The following CROCC variants were observed in gnomAD, a reference collection of about 807,000 sequenced individuals.
CROCC encodes ciliary rootlet coiled-coil, rootletin, also known as rootletin.
In CROCC, 180 loss-of-function variants were observed where a neutral mutation model predicts 245.2. That is an observed-to-expected ratio of 0.73 (90% CI 0.65 to 0.83). The LOEUF is 0.83. CROCC is among the 40% of genes least tolerant of loss of function. The pLI is 0.00. For missense variants in CROCC, 2,688 were observed against 2,779.4 expected, an observed-to-expected ratio of 0.97 and a Z score of 0.74; for synonymous variants, 1,205 against 1,241.6, an observed-to-expected ratio of 0.97 and a Z score of 0.62.
chr1:16,936,865 C>T lies in CROCC; in HGVS notation c.1185C>T (p.Leu395=), dbSNP rs764895587. 6.8e-5 allele frequency: 109 copies of T among 1,609,704 alleles called. No individual in the cohort carries two copies. The highest frequency in any genetic ancestry group is 1.3e-4 in the African/African-American group (10 of 74,900). ...AAAGCGACCTGGACAAGGCTGACCT[C>T]AGTGCCAGGTGGGTACCTGGTGGAT... The part of the protein sequence containing the change: ...QMQSDLDKAD[L]SARVTELGLA... Residue 395 remains leucine (L), a synonymous_variant, in exon 9 of 37, where the codon CTC becomes CTT. Coordinates refer to ENST00000375541, the MANE Select transcript of CROCC (RefSeq NM_014675.5).
intron 30 of CROCC, among the ~76,000 whole-genome samples, chr1:16,967,067 A>G (rs1237517934): frequency 6.6e-6 from 1 of 151,460 alleles, no homozygotes; most frequent in African/African-American, 2.4e-5. Flanking sequence ...AAGAAAAAAA[A>G]AAGAAGAAGA....
intron 25 of CROCC, among the ~76,000 whole-genome samples, chr1:16,957,552 C>T (rs1036205932): frequency 6.6e-6 from 1 of 152,088 alleles, no homozygotes; most frequent in African/African-American, 2.4e-5. Flanking sequence ...AAGTAATTCT[C>T]CTGACTCAGC....
At chr1:16,946,234 C>A (rs372298362) in intron 15 of CROCC, 25 bp from the exon 16 acceptor site, 2 of 1,606,174 alleles carry the variant, frequency 1.2e-6, no homozygotes. Flanking sequence ...TGCCTTTCCT[C>A]ATTTCTCGGG....
chr1:16,957,687 C>T (rs1442742142), intron 25 of CROCC, among the ~76,000 whole-genome samples: 1 of 152,146 alleles, frequency 6.6e-6, no homozygotes, highest in East Asian at 1.9e-4. Context: ...TCAGGTGATC[C>T]ACCCACCTTG....
chr1:16,960,810 G>A lies in CROCC; in HGVS notation c.4085G>A (p.Arg1362His). ...GAACAAGAAGGCGAGTTCCGGACCC[G>A]CGAGCGACGCCTGCTGGGCTCCCTG... ...LQEQEGEFRT[R>H]ERRLLGSLEE... The change falls in exon 27 of 37, where the codon CGC becomes CAC. Residue 1362 changes from arginine to histidine, a missense_variant. Arg to His is a conservative substitution (Grantham distance 29). Transcript: ENST00000375541. The A allele has an allele frequency of 6.6e-7, 1 of 1,524,820 alleles. No individual in the cohort carries two copies. Among genetic ancestry groups the A allele is most frequent in the Non-Finnish European group, 8.8e-7 (1 of 1,142,318 alleles). 94.5% of individuals were successfully genotyped at this position (1,524,820 alleles called of 1,614,324 possible).
rs2076321708 is a variant in CROCC, at chr1:16,960,956, C to T, written c.4231C>T (p.Arg1411Trp). 3 of 1,401,608 alleles carry T rather than the reference C, an allele frequency of 2.1e-6. No individual in the cohort carries two copies. Among genetic ancestry groups the T allele is most frequent in the Non-Finnish European group, 2.8e-6 (3 of 1,086,948 alleles). The allele number at this position is 1,401,608 out of a possible 1,614,324, so 86.8% of individuals were successfully genotyped here. A position where few individuals can be genotyped will look rare whatever the true frequency, so the allele number is the denominator to read the frequency against. ...LGLRLSAAEGRAQGLEAELAR... is the reference protein window; with the variant it reads ...LGLRLSAAEGWAQGLEAELAR... Reference sequence around the variant, plus strand: ...CCTGCGGCTGAGCGCAGCCGAGGGCCGGGCACAAGGCCTGGAGGCCGAGCT... The same window carrying T: ...CCTGCGGCTGAGCGCAGCCGAGGGCTGGGCACAAGGCCTGGAGGCCGAGCT... Residue 1411 changes from arginine (R) to tryptophan (W), a missense_variant, in exon 27 of 37, where the codon CGG (arginine) becomes TGG (tryptophan). Around this residue, in one of 9 missense-constraint regions of CROCC, gnomAD observed 1,218 missense variants for 1,286.3 expected, o/e 0.95. Transcript: ENST00000375541.
In CROCC at chr1:16,946,270, C is replaced by G. The variant is rs771681610; in HGVS notation, c.2148C>G (p.Gly716=). The change falls in exon 16 of 37, where the codon GGC becomes GGG. Residue 716 remains glycine, a synonymous_variant. Transcript: ENST00000375541. ...GCCTGACCCTGCAGGCTGAGGCTGG[C>G]CGCGTGGAGCTCGAGCTCTCCATGA... ...VAEALTKAEA[G]RVELELSMTK... 6.2e-7 allele frequency: 1 copy of G among 1,612,776 alleles called. No homozygotes were observed.
At chr1:16,967,249 ATG>A (rs371702496) in intron 30 of CROCC, among the ~76,000 whole-genome samples, 3 of 151,980 alleles carry the variant, frequency 2.0e-5, no homozygotes, top group African/African-American at 7.3e-5. Context: ...TGGGGTTTTT[ATG>A]TGTGTTTGGG....
intron 14 of CROCC, 24 bp downstream of exon 14, chr1:16,944,306 C>T (rs1457836509): frequency 8.6e-6 from 13 of 1,509,914 alleles, no homozygotes; most frequent in Non-Finnish European, 1.2e-5. Context: ...CGCCACCCTG[C>T]CAGGACCCTT....
chr1:16,938,835 T>C (rs1202633891), intron 11 of CROCC, 74 bp from the exon 12 acceptor site: 13 of 1,437,512 alleles, frequency 9.0e-6, no homozygotes, highest in African/African-American at 1.4e-5. Context: ...CAGCCTCACC[T>C]GGGCGTCTTT....
chr1:16,946,962 C>T lies in CROCC; in HGVS notation c.2485C>T (p.Arg829Cys), dbSNP rs372765137. The T allele has an allele frequency of 8.2e-5, 127 of 1,555,802 alleles. No individual in the cohort carries two copies. The highest frequency in any genetic ancestry group is 1.9e-4 in the African/African-American group (14 of 73,588). ...GCAGCTCCCCACGCTGCGCCATGAGCGCAGCCAGCTGCAGGAGCAGCTAGC... is the reference window on the plus strand; with the variant it reads ...GCAGCTCCCCACGCTGCGCCATGAGTGCAGCCAGCTGCAGGAGCAGCTAGC... ...EQQLPTLRHERSQLQEQLAQL... is the reference protein window; with the variant it reads ...EQQLPTLRHECSQLQEQLAQL... Residue 829 changes from arginine to cysteine, a missense_variant, in exon 17 of 37, where the codon CGC becomes TGC. By Grantham distance (180) the Arg-to-Cys change is radical. Coordinates refer to ENST00000375541, the MANE Select transcript of CROCC (RefSeq NM_014675.5).
chr1:16,930,210 G>T lies in CROCC; in HGVS notation c.621+3G>T. The stretch of plus-strand genomic sequence containing the variant: ...AGCTGGAGCAGCAGCGGCTGAGGGT[G>T]GGTGCCAGTGTGGGGCAGGGGCAGG... On this transcript the variant is annotated splice_donor_region_variant and intron_variant, in intron 5 of 36. Coordinates refer to ENST00000375541, the MANE Select transcript of CROCC (RefSeq NM_014675.5). The T allele has an allele frequency of 6.3e-7, 1 of 1,588,826 alleles. No homozygotes were observed.
intron 19 of CROCC, among the ~76,000 whole-genome samples, chr1:16,949,638 A>C (rs1165257745): frequency 6.6e-6 from 1 of 152,206 alleles, no homozygotes; most frequent in Non-Finnish European, 1.5e-5. Context: ...CTGAGCCTCC[A>C]TTTCATCATC....
rs1007561852 is a variant in CROCC, at chr1:16,926,213, G to T, written c.351+1734G>T. Among the ~76,000 whole-genome samples the T allele has an allele frequency of 2.6e-5, 4 of 152,394 alleles. No individual in the cohort carries two copies. In the South Asian group the frequency reaches 6.2e-4, roughly 24 times the overall value. Reference sequence around the variant, plus strand: ...CATGGTTTGAATGAGGCCCCACCTGGAGGCAGGGGTGGAACAGGAATGACC... The same window carrying T: ...CATGGTTTGAATGAGGCCCCACCTGTAGGCAGGGGTGGAACAGGAATGACC... On this transcript the variant is annotated intron_variant, in intron 3 of 36. Coordinates refer to ENST00000375541, the MANE Select transcript of CROCC (RefSeq NM_014675.5).
In CROCC at chr1:16,924,482, G is replaced by C. The variant is rs1426311628; in HGVS notation, c.351+3G>C. The stretch of plus-strand genomic sequence containing the variant: ...AGTACAATGCGGTCAGCGAGAGGGT[G>C]GGTGCCGCCCAGGTGGTGGACTAGG... On this transcript the variant is annotated splice_donor_region_variant and intron_variant, in intron 3 of 36. Transcript: ENST00000375541. The C allele has an allele frequency of 1.2e-6, 2 of 1,611,062 alleles. No individual in the cohort carries two copies. Among genetic ancestry groups the C allele is most frequent in the Non-Finnish European group, 1.7e-6 (2 of 1,178,028 alleles).
Position 16,937,336 on chromosome 1 carries a change from G to A in CROCC, c.1194-305G>A, listed in dbSNP as rs1396753759. 4.7e-5 allele frequency among the ~76,000 whole-genome samples: 7 copies of A among 149,870 alleles called. No individual in the cohort carries two copies. The Admixed American group carries it at 4.7e-4, about 10-fold the overall frequency. The stretch of plus-strand genomic sequence containing the variant: ...TCTCTGTATTCCGGCCTGGATGACA[G>A]AGCGAAACTCCGTCTCAAAAAAAAA... On this transcript the variant is annotated intron_variant, in intron 9 of 36. Coordinates refer to ENST00000375541, the MANE Select transcript of CROCC (RefSeq NM_014675.5).
rs753674078 is a variant in CROCC, at chr1:16,929,914, G to A, written c.420G>A (p.Gln140=). Reference sequence around the variant, plus strand: ...AGGAGCCCAGGGGGCTGGTACGGCAGAGCGTGGAGTTGCGGAGGCAGCTGC... The same window carrying A: ...AGGAGCCCAGGGGGCTGGTACGGCAAAGCGTGGAGTTGCGGAGGCAGCTGC... ...ETQEPRGLVR[Q]SVELRRQLQE... The change falls in exon 4 of 37, where the codon CAG becomes CAA. Residue 140 remains glutamine (Q), a synonymous_variant. Coordinates refer to ENST00000375541, the MANE Select transcript of CROCC (RefSeq NM_014675.5). The A allele has an allele frequency of 1.3e-5, 20 of 1,589,302 alleles. No individual in the cohort carries two copies. Among genetic ancestry groups the A allele is most frequent in the Non-Finnish European group, 1.6e-5 (19 of 1,171,318 alleles).
chr1:16,946,295 A>T lies in CROCC; in HGVS notation c.2173A>T (p.Thr725Ser), dbSNP rs1386151832. 3 of 1,613,366 alleles carry T rather than the reference A, an allele frequency of 1.9e-6. No individual in the cohort carries two copies. The Admixed American group carries it at 5.0e-5, about 27-fold the overall frequency. ...CCGCGTGGAGCTCGAGCTCTCCATG[A>T]CCAAGCTGAGGGCAGAGGAGGCCTC... ...AGRVELELSMTKLRAEEASLQ... is the reference protein window; with the variant it reads ...AGRVELELSMSKLRAEEASLQ... Residue 725 changes from threonine to serine, a missense_variant, in exon 16 of 37, where the codon ACC becomes TCC. Physicochemically the swap from Thr to Ser is moderately conservative, Grantham distance 58. Transcript: ENST00000375541.
intron 27 of CROCC, among the ~76,000 whole-genome samples, chr1:16,963,959 C>T (rs1037899335): frequency 1.3e-5 from 2 of 151,666 alleles, no homozygotes; most frequent in African/African-American, 4.8e-5. Context: ...CTGCACCCAG[C>T]TAATTTTTTG....
Sources: allele counts gnomAD v4.1 joint callset (sites outside exome capture counted in the v4.1 genomes callset), GRCh38; gene constraint gnomAD v4.1.1; regional missense constraint gnomAD v4.1.1; transcripts MANE v1.5; gene names NCBI Gene and HGNC (gene_info 2026-07-23, HGNC 2026-07-21).